The following INPP4A variants were observed in gnomAD, a reference collection of about 807,000 sequenced individuals.
INPP4A encodes the protein inositol polyphosphate-4-phosphatase, type I, 107kD.
A neutral mutation model predicts 119.8 loss-of-function variants in INPP4A; 33 were observed. The observed-to-expected ratio is 0.28, with a 90% CI of 0.21 to 0.37. The LOEUF (loss-of-function observed/expected upper bound fraction) is 0.37, where lower values mean the gene tolerates loss of function less well. INPP4A is among the 10% of genes least tolerant of loss of function. The pLI is 1.00. For synonymous variants in INPP4A, 496 were observed against 500.7 expected, an observed-to-expected ratio of 0.99 and a Z score of 0.12; for missense variants, 956 against 1,289.9, an observed-to-expected ratio of 0.74 and a Z score of 3.97.
intron 13 of INPP4A, chr2:98,552,535 G>A: frequency 1.6e-6 from 1 of 616,292 alleles, no homozygotes; most frequent in South Asian, 1.5e-5. Context: ...ACATACACAA[G>A]TAAAAATACA....
At chr2:98,584,814 T>C (rs1439927129) in intron 24 of INPP4A, among the ~76,000 whole-genome samples, 2 of 152,246 alleles carry the variant, frequency 1.3e-5, no homozygotes, top group Non-Finnish European at 2.9e-5. Flanking sequence ...TTGCTCTCCC[T>C]TTATGCTGAA....
intron 24 of INPP4A, among the ~76,000 whole-genome samples, chr2:98,583,456 A>T (rs1699613742): frequency 6.6e-6 from 1 of 152,134 alleles, no homozygotes; most frequent in South Asian, 2.1e-4. Flanking sequence ...GATGAAGTGT[A>T]ACCTTAACAC....
chr2:98,504,699 G>A (rs1225747523), intron 1 of INPP4A, among the ~76,000 whole-genome samples: 1 of 152,068 alleles, frequency 6.6e-6, no homozygotes, highest in African/African-American at 2.4e-5. Context: ...TTATTTTCTC[G>A]TGAAGCCAAT....
intron 22 of INPP4A, among the ~76,000 whole-genome samples, chr2:98,571,390 G>T (rs941518709): frequency 1.3e-5 from 2 of 152,232 alleles, no homozygotes; most frequent in Non-Finnish European, 2.9e-5. Context: ...AGCCACGAAG[G>T]TGAGCAGGGA....
intron 11 of INPP4A, 38 bp downstream of exon 11, chr2:98,544,045 G>GCACA (rs3217304): frequency 2.0e-5 from 29 of 1,441,396 alleles, no homozygotes; most frequent in Admixed American, 8.2e-5. Flanking sequence ...ACACGCGTGC[G>GCACA]CACACACACA....
intron 1 of INPP4A, among the ~76,000 whole-genome samples, chr2:98,510,931 A>C (rs1415202854): frequency 6.6e-6 from 1 of 152,250 alleles, no homozygotes; most frequent in Non-Finnish European, 1.5e-5. Flanking sequence ...GGCTTGGGAA[A>C]TGGAAAGCCA....
chr2:98,450,899 G>C (rs1225294690), intron 1 of INPP4A, among the ~76,000 whole-genome samples: 3 of 152,126 alleles, frequency 2.0e-5, no homozygotes, highest in African/African-American at 7.2e-5. Flanking sequence ...ACCCTCCCTA[G>C]TAGCTGAGAT....
Position 98,537,839 on chromosome 2 carries a change from A to T in INPP4A, c.468-24A>T, listed in dbSNP as rs752326833. 5 of 1,534,268 alleles carry T rather than the reference A, an allele frequency of 3.3e-6. No homozygotes were observed. The Admixed American group carries it at 8.7e-5, about 27-fold the overall frequency. ...AAGAAGCACAGTTGCAGCACCACTC[A>T]TTAAAGCATGTTGTGCATCACAGGT... is the stretch of plus-strand genomic sequence containing the variant. On this transcript the variant is annotated intron_variant, in intron 7 of 24. Coordinates refer to ENST00000409851, the MANE Select transcript of INPP4A (RefSeq NM_001134225.2).
intron 1 of INPP4A, among the ~76,000 whole-genome samples, chr2:98,487,424 G>A (rs1679782641): frequency 6.6e-6 from 1 of 152,088 alleles, no homozygotes; most frequent in Non-Finnish European, 1.5e-5. Flanking sequence ...TTGAGACAAG[G>A]TCTTGCTATG....
chr2:98,591,331 T>C lies in INPP4A; in HGVS notation c.*3723T>C, dbSNP rs1700393215. ...TATTATTAACAGTTTCTACCTTCAC[T>C]CTCATGTCTCAGGATTATTTTTTCA... is the stretch of plus-strand genomic sequence containing the variant. On this transcript the variant is annotated 3_prime_UTR_variant, in exon 25 of 25. Coordinates refer to ENST00000409851, the MANE Select transcript of INPP4A (RefSeq NM_001134225.2). 6.4e-6 allele frequency: 1 copy of C among 155,710 alleles called. No individual in the cohort carries two copies. Among genetic ancestry groups the C allele is most frequent in the African/African-American group, 2.4e-5 (1 of 41,558 alleles). The allele number at this position is 155,710 out of a possible 1,614,324, so 9.6% of individuals were successfully genotyped here.
At chr2:98,464,569 C>A (rs1196475534) in intron 1 of INPP4A, among the ~76,000 whole-genome samples, 1 of 152,226 alleles carries the variant, frequency 6.6e-6, no homozygotes, top group Non-Finnish European at 1.5e-5. Context: ...CATGTCTGCC[C>A]TGACAGGGGC....
At chr2:98,518,394 C>T (rs192447400) in intron 1 of INPP4A, among the ~76,000 whole-genome samples, 4 of 152,238 alleles carry the variant, frequency 2.6e-5, no homozygotes, top group South Asian at 2.1e-4. Flanking sequence ...TCTGATTCCC[C>T]GACCCTGGTG....
At chr2:98,581,614 G>GC in intron 24 of INPP4A, 1 of 1,561,796 alleles carries the variant, frequency 6.4e-7, no homozygotes. Flanking sequence ...AAGAACTTGA[G>GC]CGGCCTGGTG....
chr2:98,448,969 C>G (rs1222040644), intron 1 of INPP4A, among the ~76,000 whole-genome samples: 1 of 152,212 alleles, frequency 6.6e-6, no homozygotes, highest in Non-Finnish European at 1.5e-5. Flanking sequence ...GACCACAGTG[C>G]TGAGTTTACA....
intron 4 of INPP4A, among the ~76,000 whole-genome samples, chr2:98,527,002 C>T (rs1688304618): frequency 6.6e-6 from 1 of 152,180 alleles, no homozygotes; most frequent in African/African-American, 2.4e-5. Flanking sequence ...TTCCACCAGG[C>T]CCTACCTCCA....
rs910925466 is a variant in INPP4A at position 98,590,190 on chromosome 2, C to G, written c.*2582C>G. 2.3e-4 allele frequency: 47 copies of G among 204,834 alleles called. 1 individual carries two copies. Among genetic ancestry groups the G allele is most frequent in the African/African-American group, 1.1e-3 (46 of 43,744 alleles). 12.7% of individuals were successfully genotyped at this position (204,834 alleles called of 1,614,324 possible). A position where few individuals can be genotyped will look rare whatever the true frequency, so the allele number is the denominator to read the frequency against. On this transcript the variant is annotated 3_prime_UTR_variant, in exon 25 of 25. Transcript: ENST00000409851. ...TGCCTGATTCATCCTATTAGGAGGA[C>G]TAGTTCTATGTGACCAGCCTGTGAC...
Position 98,520,141 on chromosome 2 carries a change from C to T in INPP4A, c.93C>T (p.Gly31=). The change falls in exon 3 of 25, where the codon GGC becomes GGT. Residue 31 remains glycine, a synonymous_variant. Coordinates refer to ENST00000409851, the MANE Select transcript of INPP4A (RefSeq NM_001134225.2). ...STIDVAADML[G]LSLAGNIQDP... ...TCGACGTGGCGGCCGACATGCTGGG[C>T]CTCTCTCTGGCAGGTGAGCCTCACA... The T allele has an allele frequency of 6.4e-7, 1 of 1,558,322 alleles. No individual in the cohort carries two copies. The highest frequency in any genetic ancestry group is 1.9e-5 in the Admixed American group (1 of 52,182).
Position 98,529,138 on chromosome 2 carries a change from A to ATG in INPP4A, c.152-4236_152-4235dup, listed in dbSNP as rs1301148542. On this transcript the variant is annotated intron_variant, in intron 4 of 24. Transcript: ENST00000409851. The stretch of plus-strand genomic sequence containing the variant: ...TATCTTTCAAAAATGAATAAGCAGT[A>ATG]TGTGGTGTGTTTATACAATTGAATG... Among the ~76,000 whole-genome samples the ATG allele has an allele frequency of 3.3e-5, 5 of 152,248 alleles. No homozygotes were observed. The East Asian group carries it at 9.6e-4, about 29-fold the overall frequency.
chr2:98,555,843 C>G, intron 16 of INPP4A, 35 bp downstream of exon 16: 1 of 1,527,564 alleles, frequency 6.5e-7, no homozygotes, highest in Non-Finnish European at 8.8e-7. Flanking sequence ...TATGCTGCCT[C>G]CATTTCACCT....
Sources: gnomAD v4.1 joint callset for allele counts (sites outside exome capture counted in the v4.1 genomes callset) on GRCh38, gnomAD v4.1.1 for gene constraint, MANE v1.5 for transcripts, NCBI Gene and HGNC (gene_info 2026-07-23, HGNC 2026-07-21) for gene names.